SPATA16: variants seen among roughly 807,000 people sequenced by gnomAD.
SPATA16 encodes the protein spermatogenesis associated 16.
Under a neutral mutation model 63.3 loss-of-function variants are expected in SPATA16, and 36 were observed. The observed-to-expected ratio is 0.57, with a 90% CI of 0.44 to 0.75. The LOEUF is 0.75. Ranked by LOEUF, SPATA16 falls within the 30% of genes least tolerant of loss-of-function variation. The pLI, the probability that SPATA16 is intolerant of heterozygous loss-of-function variation, is 0.00. For missense variants in SPATA16, 646 were observed against 679.3 expected (o/e 0.95, Z 0.54); for synonymous variants, 203 against 216.7 (o/e 0.94, Z 0.56).
At chr3:173,133,245 A>G (rs1306247020) in intron 1 of SPATA16, among the ~76,000 whole-genome samples, 2 of 152,210 alleles carry the variant, frequency 1.3e-5, no homozygotes, top group African/African-American at 2.4e-5. Context: ...GCTGGTTGAA[A>G]GTTAGGCTCT....
rs150801019 is a variant in SPATA16 at position 172,982,547 on chromosome 3, G to A, written c.849-5495C>T. ...TAATACATATGTTAAGTATAAAAGG[G>A]CCAGAATCTGGTTTTTAAGTATCTA... is the stretch of plus-strand genomic sequence containing the variant. On this transcript the variant is annotated intron_variant, in intron 4 of 10. Transcript: ENST00000351008. Among the ~76,000 whole-genome samples the A allele has an allele frequency of 9.0e-3, 1,364 of 152,016 alleles. 19 individuals are homozygous for A. The highest frequency in any genetic ancestry group is 0.03 in the African/African-American group (1,244 of 41,456).
At chr3:173,136,459 T>G (rs538570104) in intron 1 of SPATA16, among the ~76,000 whole-genome samples, 25 of 152,300 alleles carry the variant, frequency 1.6e-4, no homozygotes, top group Non-Finnish European at 3.7e-4. Context: ...TCATGGAGAA[T>G]GAGGTATCCA....
At chr3:173,137,998 A>T (rs1738597401) in intron 1 of SPATA16, among the ~76,000 whole-genome samples, 1 of 152,164 alleles carries the variant, frequency 6.6e-6, no homozygotes, top group Non-Finnish European at 1.5e-5. Context: ...TCTGTTCAAC[A>T]GGAATGAGAA....
chr3:172,934,831 A>G (rs1369332557), intron 6 of SPATA16, among the ~76,000 whole-genome samples: 1 of 152,186 alleles, frequency 6.6e-6, no homozygotes, highest in Non-Finnish European at 1.5e-5. Flanking sequence ...ACACCTTGAT[A>G]TATAGATATT....
At chr3:172,983,120 C>T (rs1734359489) in intron 4 of SPATA16, among the ~76,000 whole-genome samples, 1 of 152,182 alleles carries the variant, frequency 6.6e-6, no homozygotes, top group Admixed American at 6.5e-5. Context: ...CTGCTCTCCT[C>T]ACTGATTCCA....
chr3:173,138,909 ACAT>A (rs1738624373), intron 1 of SPATA16, among the ~76,000 whole-genome samples: 2 of 152,220 alleles, frequency 1.3e-5, no homozygotes, highest in Admixed American at 1.3e-4. Flanking sequence ...AATGTATATC[ACAT>A]CATATAGTAT....
chr3:172,945,728 G>A (rs1404895356), intron 6 of SPATA16, among the ~76,000 whole-genome samples: 6 of 152,284 alleles, frequency 3.9e-5, no homozygotes, highest in South Asian at 2.1e-4. Flanking sequence ...CCATCCCAGC[G>A]GTCAGAACCT....
At chr3:173,072,035 C>T (rs998842685) in intron 2 of SPATA16, among the ~76,000 whole-genome samples, 11 of 152,280 alleles carry the variant, frequency 7.2e-5, no homozygotes, top group Non-Finnish European at 1.5e-4. Flanking sequence ...AACAGAACTA[C>T]CATTTGACCC....
intron 1 of SPATA16, among the ~76,000 whole-genome samples, chr3:173,131,470 C>T (rs1202719633): frequency 6.6e-6 from 1 of 151,334 alleles, no homozygotes. Flanking sequence ...AGAGTGTGAG[C>T]ATCTCAACAT....
intron 3 of SPATA16, among the ~76,000 whole-genome samples, chr3:173,021,892 T>C (rs1030613982): frequency 2.6e-5 from 4 of 152,258 alleles, no homozygotes; most frequent in African/African-American, 9.6e-5. Context: ...TTCCAGCCTT[T>C]GGCATCTTTT....
intron 1 of SPATA16, among the ~76,000 whole-genome samples, chr3:173,122,161 C>A (rs749323699): frequency 6.6e-6 from 1 of 151,480 alleles, no homozygotes; most frequent in African/African-American, 2.4e-5. Flanking sequence ...TGACAGGCAA[C>A]ATTGGAACAA....
chr3:173,108,145 C>G (rs1433923357), intron 2 of SPATA16, among the ~76,000 whole-genome samples: 8 of 152,074 alleles, frequency 5.3e-5, no homozygotes, highest in Non-Finnish European at 1.2e-4. Flanking sequence ...ATTAATTGTT[C>G]ATTTTTTTCG....
At chr3:172,895,261 C>A (rs1462561557) in intron 10 of SPATA16, among the ~76,000 whole-genome samples, 2 of 152,180 alleles carry the variant, frequency 1.3e-5, no homozygotes, top group Non-Finnish European at 2.9e-5. Flanking sequence ...CTTTTTATAA[C>A]CATCTGTTTT....
At chr3:172,914,833 T>C (rs1441079117) in intron 9 of SPATA16, among the ~76,000 whole-genome samples, 5 of 152,090 alleles carry the variant, frequency 3.3e-5, no homozygotes, top group African/African-American at 1.2e-4. Context: ...ATGTCAATAA[T>C]GCTAGTTTGA....
chr3:172,920,392 A>AAAAG (rs2109571345), intron 8 of SPATA16, among the ~76,000 whole-genome samples: 1 of 152,374 alleles, frequency 6.6e-6, no homozygotes, highest in African/African-American at 2.4e-5. Context: ...TGTACTTTAA[A>AAAAG]AAAGATATGT....
At chr3:173,051,364 G>C (rs554970260) in intron 2 of SPATA16, among the ~76,000 whole-genome samples, 1 of 151,892 alleles carries the variant, frequency 6.6e-6, no homozygotes, top group Non-Finnish European at 1.5e-5. Context: ...CACCACGCCC[G>C]GCTAATTTTT....
intron 2 of SPATA16, among the ~76,000 whole-genome samples, chr3:173,089,426 AG>A: frequency 6.6e-6 from 1 of 152,322 alleles, no homozygotes; most frequent in East Asian, 1.9e-4. Flanking sequence ...AGGAAACTTC[AG>A]GAAATAACTG....
At chr3:172,889,746 T>A in intron 10 of SPATA16, 54 bp from the exon 11 acceptor site, 1 of 1,602,542 alleles carries the variant, frequency 6.2e-7, no homozygotes. Flanking sequence ...CTGGGTTTTG[T>A]ATACTTATAA....
At chr3:173,072,138 C>T (rs1417619859) in intron 2 of SPATA16, among the ~76,000 whole-genome samples, 3 of 152,112 alleles carry the variant, frequency 2.0e-5, no homozygotes, top group Admixed American at 6.5e-5. Context: ...GTGCTATTCA[C>T]AGTAGCAAAG....
Sources: gnomAD v4.1 joint callset for allele counts (sites outside exome capture counted in the v4.1 genomes callset) on GRCh38, gnomAD v4.1.1 for gene constraint, MANE v1.5 for transcripts, NCBI Gene and HGNC (gene_info 2026-07-23, HGNC 2026-07-21) for gene names.